Variants in NXN observed in about 807,000 individuals in gnomAD.
The protein encoded by NXN is nucleoredoxin 1.
In NXN, 16 loss-of-function variants were observed where a neutral mutation model predicts 48.6. The ratio of observed to expected loss-of-function variants is 0.33; its 90% confidence interval spans 0.22 to 0.50. NXN has a LOEUF of 0.50. Ranked by LOEUF, NXN falls within the 20% of genes least tolerant of loss-of-function variation. NXN has a pLI of 0.98. For missense variants in NXN, 492 were observed against 605.5 expected (o/e 0.81, Z 1.97); for synonymous variants, 281 against 269.6 (o/e 1.04, Z -0.41).
chr17:979,085 T>C (rs1177119768), intron 1 of NXN, among the ~76,000 whole-genome samples: 1 of 99,900 alleles, frequency 1.0e-5, no homozygotes, highest in East Asian at 3.4e-4. Flanking sequence ...GGTCCTGGGA[T>C]GAGGGTGCGG....
At chr17:855,910 C>G (rs925417648) in intron 1 of NXN, among the ~76,000 whole-genome samples, 3 of 152,068 alleles carry the variant, frequency 2.0e-5, no homozygotes, top group African/African-American at 7.2e-5. Context: ...AGGGTCCAAT[C>G]TAGGCCGGGT....
chr17:852,751 C>T (rs1041798174), intron 1 of NXN, among the ~76,000 whole-genome samples: 19 of 152,250 alleles, frequency 1.2e-4, no homozygotes, highest in African/African-American at 4.1e-4. Flanking sequence ...CAAGCCTAAC[C>T]GTCCTGTCCT....
At position 979,648 on chromosome 17, in the gene NXN, C is replaced by A; in HGVS notation, c.31G>T (p.Glu11Ter). The change falls in exon 1 of 8, where the codon GAG (glutamate) becomes TAG (stop). Residue 11 changes from glutamate to a stop codon, truncating the protein, a stop_gained. Coordinates refer to ENST00000336868, the MANE Select transcript of NXN (RefSeq NM_022463.5). LOFTEE classifies it high-confidence loss of function. ...TCGCCGCCGCCCGTCACCAGCTTCT[C>A]GCCGAGCAGCTCCTCCAGGAAGCCC... is the stretch of plus-strand genomic sequence containing the variant. Reference protein sequence around the residue: MSGFLEELLGEKLVTGGGEEV... With the variant: MSGFLEELLG 1 of 1,472,224 alleles carries A rather than the reference C, an allele frequency of 6.8e-7. No individual in the cohort carries two copies. Among genetic ancestry groups the A allele is most frequent in the Non-Finnish European group, 9.0e-7 (1 of 1,112,032 alleles). 91.2% of individuals were successfully genotyped at this position (1,472,224 alleles called of 1,614,324 possible).
Position 917,627 on chromosome 17 carries a change from G to A in NXN, c.360+61692C>T, listed in dbSNP as rs1439144892. Among the ~76,000 whole-genome samples the A allele has an allele frequency of 2.6e-5, 4 of 152,330 alleles. No homozygotes were observed. The highest frequency in any genetic ancestry group is 1.9e-4 in the East Asian group (1 of 5,184). On this transcript the variant is annotated intron_variant, in intron 1 of 7. Coordinates refer to ENST00000336868, the MANE Select transcript of NXN (RefSeq NM_022463.5). This position sits in a 1 kb window ranked among gnomAD's most constrained non-coding sequence, Gnocchi z 4.5. ...CGATTCCCAGCTCTCCCACAAGGAC[G>A]TGGCTCAGACGCACGTCACCATCTC...
rs756414652 is a variant in NXN, at chr17:979,373, G to C, written c.306C>G (p.Asp102Glu). Residue 102 changes from aspartate to glutamate, a missense_variant, in exon 1 of 8, where the codon GAC (aspartate) becomes GAG (glutamate). Asp to Glu is a conservative substitution (Grantham distance 45, BLOSUM62 2). Around this residue, in one of 3 missense-constraint regions of NXN, gnomAD observed 186 missense variants for 199.1 expected, o/e 0.93. Transcript: ENST00000336868. ...CCAGCCACGGCATGTCCCGCACGAA[G>C]TCCTGCCACTGCCGCTGGTCCTGGT... ...SSDQDQRQWQ[D>E]FVRDMPWLAL... 1.3e-6 allele frequency: 2 copies of C among 1,531,988 alleles called. No individual in the cohort carries two copies. Among genetic ancestry groups the C allele is most frequent in the South Asian group, 2.3e-5 (2 of 86,698 alleles). 94.9% of individuals were successfully genotyped at this position (1,531,988 alleles called of 1,614,324 possible).
At chr17:955,327 C>A (rs1315844429) in intron 1 of NXN, among the ~76,000 whole-genome samples, 2 of 151,704 alleles carry the variant, frequency 1.3e-5, no homozygotes, top group Non-Finnish European at 2.9e-5. Context: ...GCCACCACAC[C>A]CTGCTAATTT....
At position 979,478 on chromosome 17, in the gene NXN, C is replaced by T; in HGVS notation, c.201G>A (p.Gly67=). The change falls in exon 1 of 8, where the codon GGG becomes GGA. Residue 67 remains glycine, a synonymous_variant. Coordinates refer to ENST00000336868, the MANE Select transcript of NXN (RefSeq NM_022463.5). ...CCCCGGCCCCCGCTCCCGGCCCCGG[C>T]CCGGCCGCCGCGTCCCCCCGCAGGC... is the stretch of plus-strand genomic sequence containing the variant. The part of the protein sequence containing the change: ...YGRLRGDAAA[G]PGPGAGAGAA... 1.7e-6 allele frequency: 2 copies of T among 1,193,674 alleles called. No homozygotes were observed. Among genetic ancestry groups the T allele is most frequent in the Non-Finnish European group, 2.1e-6 (2 of 962,436 alleles). The allele number at this position is 1,193,674 out of a possible 1,614,324, so 73.9% of individuals were successfully genotyped here. A position where few individuals can be genotyped will look rare whatever the true frequency, so the allele number is the denominator to read the frequency against.
At chr17:827,180 C>T (rs1913152421) in intron 1 of NXN, among the ~76,000 whole-genome samples, 1 of 152,102 alleles carries the variant, frequency 6.6e-6, no homozygotes, top group African/African-American at 2.4e-5. Context: ...CCCGTCTCTA[C>T]TTAAAATACA....
rs140540415 is a variant in NXN at position 960,538 on chromosome 17, C to A, written c.360+18781G>T. ...TTTTAAGTTTTTGGAGAGACAGGAT[C>A]TCCCCATGTTGTCCAGGCTGGACAC... On this transcript the variant is annotated intron_variant, in intron 1 of 7. Coordinates refer to ENST00000336868, the MANE Select transcript of NXN (RefSeq NM_022463.5). Among the ~76,000 whole-genome samples, 869 of 152,096 alleles carry A rather than the reference C, an allele frequency of 5.7e-3. 10 individuals are homozygous for A. Among genetic ancestry groups the A allele is most frequent in the African/African-American group, 0.02 (848 of 41,498 alleles).
At chr17:891,749 T>TGCACAACCCAG (rs1379789737) in intron 1 of NXN, among the ~76,000 whole-genome samples, 2 of 42,012 alleles carry the variant, frequency 4.8e-5, no homozygotes, top group African/African-American at 9.5e-5. Flanking sequence ...GCACAGCCCA[T>TGCACAACCCAG]CAGGGAACCT....
rs371746965 is a variant in NXN at position 823,390 on chromosome 17, C to T, written c.612+242G>A. ...CTCCAGCCTGGGTAACAGAGCGAGA[C>T]TCTGGCTCAGAAAAAAAAAAAAGAG... On this transcript the variant is annotated intron_variant, in intron 3 of 7. Coordinates refer to ENST00000336868, the MANE Select transcript of NXN (RefSeq NM_022463.5). Among the ~76,000 whole-genome samples the T allele has an allele frequency of 1.9e-3, 286 of 149,794 alleles. 2 individuals are homozygous for T. Among genetic ancestry groups the T allele is most frequent in the African/African-American group, 6.3e-3 (256 of 40,800 alleles).
intron 1 of NXN, among the ~76,000 whole-genome samples, chr17:946,249 A>C (rs546107450): frequency 4.7e-4 from 42 of 88,826 alleles, no homozygotes; most frequent in African/African-American, 1.2e-3. Flanking sequence ...GCTCACTGCA[A>C]GCTCCGCCTC....
chr17:810,494 G>A (rs1024487139), intron 5 of NXN, among the ~76,000 whole-genome samples: 3 of 152,202 alleles, frequency 2.0e-5, no homozygotes, highest in Non-Finnish European at 2.9e-5. Flanking sequence ...CCGTGGGGGT[G>A]AGATGGGATG....
At chr17:902,315 C>T (rs1390657510) in intron 1 of NXN, among the ~76,000 whole-genome samples, 1 of 152,222 alleles carries the variant, frequency 6.6e-6, no homozygotes, top group Non-Finnish European at 1.5e-5. Flanking sequence ...TTTTTAACTT[C>T]CCGTGAGATC....
At chr17:900,860 C>T (rs1185257525) in intron 1 of NXN, among the ~76,000 whole-genome samples, 1 of 148,400 alleles carries the variant, frequency 6.7e-6, no homozygotes, top group East Asian at 2.0e-4. Context: ...TTCTGGGAGG[C>T]AGGGGAGTTT....
intron 1 of NXN, among the ~76,000 whole-genome samples, chr17:855,960 C>G (rs1055637266): frequency 6.6e-6 from 1 of 152,078 alleles, no homozygotes; most frequent in African/African-American, 2.4e-5. Context: ...TTTGGGAGGC[C>G]TAGACGGGCA....
At chr17:873,879 TG>T (rs1376419591) in intron 1 of NXN, among the ~76,000 whole-genome samples, 1 of 152,094 alleles carries the variant, frequency 6.6e-6, no homozygotes, top group African/African-American at 2.4e-5. Flanking sequence ...CGGGTTCTGG[TG>T]AGGATGATCA....
At position 917,271 on chromosome 17, in the gene NXN, A is replaced by G. The variant is rs62070216; in HGVS notation, c.360+62048T>C. Among the ~76,000 whole-genome samples the G allele has an allele frequency of 0.27, 41,296 of 151,644 alleles. 6,767 individuals carry two copies. Among genetic ancestry groups the G allele is most frequent in the Middle Eastern group, 0.49 (142 of 290 alleles). On this transcript the variant is annotated intron_variant, in intron 1 of 7. Coordinates refer to ENST00000336868, the MANE Select transcript of NXN (RefSeq NM_022463.5). The surrounding 1 kb of genome is among the most constrained non-coding windows in gnomAD (Gnocchi z 4.5). ...ATTCTCCTGCCTCAGCCTCCCGAGC[A>G]GCTGGGACTACAGGCGCCCGCCACC...
intron 1 of NXN, among the ~76,000 whole-genome samples, chr17:931,077 T>A (rs1567506454): frequency 6.6e-6 from 1 of 152,140 alleles, no homozygotes; most frequent in Non-Finnish European, 1.5e-5. Context: ...CTGGTGAGTT[T>A]GCTTTTAAGG....
Sources: gnomAD v4.1 joint callset for allele counts (sites outside exome capture counted in the v4.1 genomes callset) on GRCh38, gnomAD v4.1.1 for gene constraint, gnomAD v4.1.1 regional missense constraint, Gnocchi (gnomAD v3.1) non-coding constraint, MANE v1.5 for transcripts, NCBI Gene and HGNC (gene_info 2026-07-23, HGNC 2026-07-21) for gene names.